Variants in AFAP1L1 observed in about 807,000 individuals in gnomAD.
AFAP1L1 encodes actin filament-associated protein 1-like 1.
In AFAP1L1, 77 loss-of-function variants were observed where a neutral mutation model predicts 99.8. That is an observed-to-expected ratio of 0.77 (90% CI 0.64 to 0.93). The LOEUF (loss-of-function observed/expected upper bound fraction) is 0.93. Ranked by LOEUF, AFAP1L1 falls within the 40% of genes least tolerant of loss-of-function variation. The probability of loss-of-function intolerance (pLI) is 0.00; values close to 1 mark genes in which losing one functional copy is unlikely to be tolerated. For missense variants in AFAP1L1, 893 were observed against 996.8 expected (o/e 0.90, Z 1.40); for synonymous variants, 373 against 395.3 (o/e 0.94, Z 0.67).
intron 1 of AFAP1L1, among the ~76,000 whole-genome samples, chr5:149,274,684 G>A (rs916045245): frequency 1.3e-5 from 2 of 152,168 alleles, no homozygotes; most frequent in Non-Finnish European, 2.9e-5. Flanking sequence ...TTCGAGACCA[G>A]CCTGCCCAAC....
In AFAP1L1 at chr5:149,322,711, G is replaced by C. The variant is rs779676346; in HGVS notation, c.1804G>C (p.Ala602Pro). 6.3e-7 allele frequency: 1 copy of C among 1,580,368 alleles called. No individual in the cohort carries two copies. Among genetic ancestry groups the C allele is most frequent in the South Asian group, 1.2e-5 (1 of 86,312 alleles). ...CCCGCAGGTCAAAGTCAAACGCCAC[G>C]CCTCCAGTGAGTTGTGTGTGGGCCT... is the stretch of plus-strand genomic sequence containing the variant. Reference protein sequence around the residue: ...VDPQVKVKRHASSANQYKYGK... With the variant: ...VDPQVKVKRHPSSANQYKYGK... The change falls in exon 15 of 19, where the codon GCC becomes CCC. Residue 602 changes from alanine to proline, a missense_variant. By Grantham distance (27) the Ala-to-Pro change is conservative. Coordinates refer to ENST00000296721, the MANE Select transcript of AFAP1L1 (RefSeq NM_152406.4).
intron 1 of AFAP1L1, among the ~76,000 whole-genome samples, chr5:149,288,548 G>GGAC (rs1755753210): frequency 6.6e-6 from 1 of 152,204 alleles, no homozygotes. Context: ...AGGCGGTGCA[G>GGAC]GACGCTGGAT....
chr5:149,336,046 G>A (rs918733585), intron 18 of AFAP1L1, among the ~76,000 whole-genome samples: 2 of 152,148 alleles, frequency 1.3e-5, no homozygotes, highest in East Asian at 1.9e-4. Context: ...GGCTATGCAA[G>A]GTATCACTGC....
chr5:149,275,467 C>CTCT (rs141100355), intron 1 of AFAP1L1, among the ~76,000 whole-genome samples: 1 of 143,412 alleles, frequency 7.0e-6, no homozygotes. Flanking sequence ...CTTCCTCTTC[C>CTCT]TCTTCTTCTT....
intron 15 of AFAP1L1, among the ~76,000 whole-genome samples, chr5:149,328,351 T>C (rs957230189): frequency 3.3e-5 from 5 of 151,802 alleles, no homozygotes; most frequent in Non-Finnish European, 7.4e-5. Flanking sequence ...CCCTAAGAGG[T>C]TGAACTATGG....
chr5:149,290,343 C>T (rs1755812419), intron 1 of AFAP1L1, among the ~76,000 whole-genome samples: 1 of 152,216 alleles, frequency 6.6e-6, no homozygotes, highest in South Asian at 2.1e-4. Flanking sequence ...TGAGAGCTTA[C>T]TATGTGCCAG....
At position 149,343,048 on chromosome 5, in the gene AFAP1L1, C is replaced by T. The variant is rs1463145283; in HGVS notation, c.*3018C>T. Among the ~76,000 whole-genome samples the T allele has an allele frequency of 6.6e-6, 1 of 152,090 alleles. No homozygotes were observed. The highest frequency in any genetic ancestry group is 1.5e-5 in the Non-Finnish European group (1 of 68,038). On this transcript the variant is annotated 3_prime_UTR_variant, in exon 19 of 19. Transcript: ENST00000296721. ...ATTGCGGGATCTTGCATAGGTTTAC[C>T]AACCTTTCTGAGCCTCAATTTTCTC... is the stretch of plus-strand genomic sequence containing the variant.
In AFAP1L1 at chr5:149,343,226, TCA is replaced by T. The variant is rs1757606799; in HGVS notation, c.*3197_*3198del. Among the ~76,000 whole-genome samples, 2 of 152,200 alleles carry T rather than the reference TCA, an allele frequency of 1.3e-5. No homozygotes were observed. Among genetic ancestry groups the T allele is most frequent in the South Asian group, 4.1e-4 (2 of 4,824 alleles). On this transcript the variant is annotated 3_prime_UTR_variant, in exon 19 of 19. Transcript: ENST00000296721. The stretch of plus-strand genomic sequence containing the variant: ...TACTCCAGCTCTGTCCTCATGGAAC[TCA>T]GAGACAAGCAGGAAAGAAAATGTGA...
At chr5:149,301,508 G>A (rs1756211664) in intron 4 of AFAP1L1, among the ~76,000 whole-genome samples, 2 of 152,136 alleles carry the variant, frequency 1.3e-5, no homozygotes, top group Admixed American at 6.5e-5. Flanking sequence ...CAGGGAGAAT[G>A]TGGTGAACTT....
chr5:149,316,614 A>G (rs1756806326), intron 11 of AFAP1L1, among the ~76,000 whole-genome samples: 1 of 152,186 alleles, frequency 6.6e-6, no homozygotes, highest in Non-Finnish European at 1.5e-5. Context: ...CGATAACAAG[A>G]CAGGGGTATC....
At chr5:149,304,797 C>G (rs1056618464) in intron 5 of AFAP1L1, among the ~76,000 whole-genome samples, 1 of 152,208 alleles carries the variant, frequency 6.6e-6, no homozygotes, top group African/African-American at 2.4e-5. Context: ...AAGGCGGGCT[C>G]CGAGCCTCAC....
At chr5:149,287,759 T>G (rs1048802286) in intron 1 of AFAP1L1, among the ~76,000 whole-genome samples, 4 of 150,292 alleles carry the variant, frequency 2.7e-5, no homozygotes, top group African/African-American at 9.7e-5. Flanking sequence ...GGTGTTTTTT[T>G]TTTTTTTTTG....
chr5:149,336,608 C>A (rs1022377931), intron 18 of AFAP1L1, among the ~76,000 whole-genome samples: 1 of 152,196 alleles, frequency 6.6e-6, no homozygotes, highest in Non-Finnish European at 1.5e-5. Context: ...AGTCTGGAGG[C>A]GGCCCAGGGC....
rs75779664 is a variant in AFAP1L1 at position 149,302,892 on chromosome 5, T to C, written c.436+366T>C. Reference sequence around the variant, plus strand: ...ATGACCACCACTATACTGTTCCCCCTACTAAAACTGCTAACCCAAGTGCTC... The same window carrying C: ...ATGACCACCACTATACTGTTCCCCCCACTAAAACTGCTAACCCAAGTGCTC... On this transcript the variant is annotated intron_variant, in intron 5 of 18. Transcript: ENST00000296721. Among the ~76,000 whole-genome samples the C allele has an allele frequency of 8.4e-3, 1,285 of 152,326 alleles. 24 individuals carry two copies. Among genetic ancestry groups the C allele is most frequent in the African/African-American group, 0.03 (1,234 of 41,564 alleles).
In AFAP1L1 at chr5:149,299,587, A is replaced by T; in HGVS notation, c.95A>T (p.Glu32Val). 1.9e-6 allele frequency: 3 copies of T among 1,614,132 alleles called. No homozygotes were observed. Among genetic ancestry groups the T allele is most frequent in the Non-Finnish European group, 2.5e-6 (3 of 1,179,996 alleles). Residue 32 changes from glutamate (E) to valine (V), a missense_variant, in exon 2 of 19, where the codon GAA (glutamate) becomes GTA (valine). Transcript: ENST00000296721. ...DHEYLSDTTLEKKMAVASILQ... is the reference protein window; with the variant it reads ...DHEYLSDTTLVKKMAVASILQ... ...GAGTACCTCAGCGATACCACCCTGGAAAAGAAGATGGCCGTGGCCTCCATC... is the reference window on the plus strand; with the variant it reads ...GAGTACCTCAGCGATACCACCCTGGTAAAGAAGATGGCCGTGGCCTCCATC...
chr5:149,292,706 C>A (rs1755895858), intron 1 of AFAP1L1, among the ~76,000 whole-genome samples: 1 of 152,154 alleles, frequency 6.6e-6, no homozygotes, highest in Non-Finnish European at 1.5e-5. Flanking sequence ...CACTGTACCT[C>A]CCTAAGACTC....
intron 1 of AFAP1L1, among the ~76,000 whole-genome samples, chr5:149,291,524 C>CAAAAAAAAAAAA (rs1229134807): frequency 1.5e-4 from 2 of 13,392 alleles, no homozygotes; most frequent in African/African-American, 2.3e-4. Flanking sequence ...GACTCCGTCT[C>CAAAAAAAAAAAA]AAAAAAAAAA....
chr5:149,296,502 C>CCCAGG (rs931880177), intron 1 of AFAP1L1, among the ~76,000 whole-genome samples: 1 of 152,150 alleles, frequency 6.6e-6, no homozygotes, highest in African/African-American at 2.4e-5. Flanking sequence ...CAGGAGGGCT[C>CCCAGG]CCAGGCCACC....
At chr5:149,290,828 T>C (rs1490500282) in intron 1 of AFAP1L1, among the ~76,000 whole-genome samples, 1 of 152,366 alleles carries the variant, frequency 6.6e-6, no homozygotes, top group East Asian at 1.9e-4. Context: ...TATCAACTCT[T>C]AAAAGAAAAT....
Sources: gnomAD v4.1 joint callset for allele counts (sites outside exome capture counted in the v4.1 genomes callset) on GRCh38, gnomAD v4.1.1 for gene constraint, MANE v1.5 for transcripts, NCBI Gene and HGNC (gene_info 2026-07-23, HGNC 2026-07-21) for gene names.